Variants in MUC5AC observed in about 807,000 individuals in gnomAD.
MUC5AC encodes the protein mucin 5AC, oligomeric mucus/gel-forming.
In MUC5AC, 158 loss-of-function variants were observed where a neutral mutation model predicts 169.7. That is an observed-to-expected ratio of 0.93 (90% CI 0.82 to 1.06). The LOEUF (loss-of-function observed/expected upper bound fraction) is 1.06, where lower values mean the gene tolerates loss of function less well. Ranked by LOEUF, MUC5AC falls within the 50% of genes least tolerant of loss-of-function variation. MUC5AC has a pLI of 0.00. For synonymous variants in MUC5AC, 1,975 were observed against 1,237.0 expected (o/e 1.60, Z -12.52); for missense variants, 4,359 against 3,089.9 (o/e 1.41, Z -9.74).
chr11:1,185,492 A>G lies in MUC5AC; in HGVS notation c.7347A>G (p.Gly2449=). The G allele has an allele frequency of 2.7e-6, 2 of 727,380 alleles. No homozygotes were observed. The highest frequency in any genetic ancestry group is 5.0e-6 in the Non-Finnish European group (2 of 398,990). The allele number at this position is 727,380 out of a possible 1,614,324, so 45.1% of individuals were successfully genotyped here. A position where few individuals can be genotyped will look rare whatever the true frequency, so the allele number is the denominator to read the frequency against. Residue 2449 remains glycine, a synonymous_variant, in exon 31 of 49, where the codon GGA becomes GGG. Transcript: ENST00000621226. ...APTTSTTSGP[G]TTPSPVPTTS... Reference sequence around the variant, plus strand: ...CAACCAGCACAACTTCTGGTCCTGGAACTACCCCAAGCCCTGTTCCCACGA... The same window carrying G: ...CAACCAGCACAACTTCTGGTCCTGGGACTACCCCAAGCCCTGTTCCCACGA...
intron 19 of MUC5AC, among the ~76,000 whole-genome samples, chr11:1,175,525 A>T (rs1860649200): frequency 3.4e-5 from 5 of 147,228 alleles, no homozygotes; most frequent in Non-Finnish European, 7.5e-5. Context: ...TGACACGCCC[A>T]CTCATGCACA....
chr11:1,166,455 C>A (rs1219413686), intron 11 of MUC5AC, among the ~76,000 whole-genome samples: 1 of 130,686 alleles, frequency 7.7e-6, no homozygotes, highest in Non-Finnish European at 1.6e-5. Flanking sequence ...CACAGTCTCC[C>A]ACGATGAGAC....
Position 1,164,282 on chromosome 11 carries a change from G to C in MUC5AC, c.966G>C (p.Gly322=). The C allele has an allele frequency of 6.2e-7, 1 of 1,612,534 alleles. No homozygotes were observed. The stretch of plus-strand genomic sequence containing the variant: ...ACTCCCGGCAGTGCACCCATGCAGG[G>C]GGGTTGCCCCAGGACTGGCGGGGCC... The part of the protein sequence containing the change: ...AEYSRQCTHA[G]GLPQDWRGPD... The change falls in exon 8 of 49, where the codon GGG becomes GGC. Residue 322 remains glycine, a synonymous_variant. Coordinates refer to ENST00000621226, the MANE Select transcript of MUC5AC (RefSeq NM_001304359.2).
chr11:1,164,014 G>C (rs762981631), intron 7 of MUC5AC, 23 bp downstream of exon 7: 2 of 1,609,014 alleles, frequency 1.2e-6, no homozygotes, highest in Non-Finnish European at 1.7e-6. Context: ...GGGAACAGAG[G>C]GCCCAGCAGG....
chr11:1,176,005 C>G (rs1234441147), intron 19 of MUC5AC, 146 bp from the exon 20 acceptor site: 1 of 397,032 alleles, frequency 2.5e-6, no homozygotes, highest in Non-Finnish European at 4.4e-6. Context: ...CTCACACACC[C>G]ACTCATGCAC....
intron 11 of MUC5AC, among the ~76,000 whole-genome samples, chr11:1,166,596 A>G (rs1590136170): frequency 4.5e-5 from 1 of 22,308 alleles, no homozygotes; most frequent in East Asian, 2.4e-3. Flanking sequence ...CAGTCTCTGC[A>G]CGATGAGACC....
chr11:1,199,956 G>T lies in MUC5AC; in HGVS notation c.16687G>T (p.Asp5563Tyr), dbSNP rs780700051. The T allele has an allele frequency of 2.6e-6, 2 of 763,032 alleles. No homozygotes were observed. The highest frequency in any genetic ancestry group is 1.7e-5 in the Admixed American group (1 of 58,760). 47.3% of individuals were successfully genotyped at this position (763,032 alleles called of 1,614,324 possible). A position where few individuals can be genotyped will look rare whatever the true frequency, so the allele number is the denominator to read the frequency against. Residue 5563 changes from aspartate (D) to tyrosine (Y), a missense_variant, in exon 48 of 49, where the codon GAC (aspartate) becomes TAC (tyrosine). Asp to Tyr is a radical substitution (Grantham distance 160). Coordinates refer to ENST00000621226, the MANE Select transcript of MUC5AC (RefSeq NM_001304359.2). Reference sequence around the variant, plus strand: ...GGCTTACTGCCGGGGGAACTGTGGGGACAGCTCTTCCATGTACGTGCCTGG... The same window carrying T: ...GGCTTACTGCCGGGGGAACTGTGGGTACAGCTCTTCCATGTACGTGCCTGG... ...RLAYCRGNCG[D>Y]SSSMYSLEGN...
rs759450665 is a variant in MUC5AC at position 1,200,503 on chromosome 11, T to C, written c.16766T>C (p.Leu5589Pro). 32 of 752,554 alleles carry C rather than the reference T, an allele frequency of 4.3e-5. No individual in the cohort carries two copies. Among genetic ancestry groups the C allele is most frequent in the Non-Finnish European group, 7.3e-5 (30 of 412,344 alleles). The allele number at this position is 752,554 out of a possible 1,614,324, so 46.6% of individuals were successfully genotyped here. ...CQCCQELRTS[L>P]RNVTLHCTDG... ...TGCTGCCAGGAGCTGCGGACCTCGC[T>C]GAGGAATGTGACCCTGCACTGCACC... The change falls in exon 49 of 49, where the codon CTG (leucine) becomes CCG (proline). Residue 5589 changes from leucine to proline, a missense_variant. By Grantham distance (98) the Leu-to-Pro change is moderately conservative. Transcript: ENST00000621226.
intron 11 of MUC5AC, 59 bp from the exon 12 acceptor site, chr11:1,167,818 G>A (rs931216956): frequency 2.2e-4 from 313 of 1,426,558 alleles, no homozygotes; most frequent in Non-Finnish European, 2.3e-4. Context: ...GACTGGCAGG[G>A]CCAGGTGGGC....
Position 1,182,503 on chromosome 11 carries a change from G to A in MUC5AC, c.4358G>A (p.Gly1453Glu), listed in dbSNP as rs1220750503. ...CGTGTGCAGTGCAGCCCGGATGTGG[G>A]GCTGACCTGTCGTAACAGGGAGCAG... ...GQRVQCSPDV[G>E]LTCRNREQAS... Residue 1453 changes from glycine to glutamate, a missense_variant, in exon 31 of 49, where the codon GGG becomes GAG. Physicochemically the swap from Gly to Glu is moderately conservative, Grantham distance 98. Coordinates refer to ENST00000621226, the MANE Select transcript of MUC5AC (RefSeq NM_001304359.2). 2 of 398,544 alleles carry A rather than the reference G, an allele frequency of 5.0e-6. No homozygotes were observed. The highest frequency in any genetic ancestry group is 4.1e-5 in the African/African-American group (2 of 48,608). The allele number at this position is 398,544 out of a possible 1,614,324, so 24.7% of individuals were successfully genotyped here.
chr11:1,182,148 C>T lies in MUC5AC; in HGVS notation c.4010-7C>T, dbSNP rs900403205. 15 of 398,520 alleles carry T rather than the reference C, an allele frequency of 3.8e-5. 1 individual carries two copies. The East Asian group carries it at 5.0e-4, about 13-fold the overall frequency. The allele number at this position is 398,520 out of a possible 1,614,324, so 24.7% of individuals were successfully genotyped here. On this transcript the variant is annotated splice_polypyrimidine_tract_variant and splice_region_variant and intron_variant, in intron 30 of 48. Transcript: ENST00000621226. ...TCATGCTCAGCTGCCTTCTCTTCTG[C>T]CCACAGTCGTGAGCTCCACGCACAC... is the stretch of plus-strand genomic sequence containing the variant.
chr11:1,166,284 C>T (rs1241923125), intron 11 of MUC5AC, among the ~76,000 whole-genome samples: 1 of 138,044 alleles, frequency 7.2e-6, no homozygotes, highest in Non-Finnish European at 1.6e-5. Context: ...AGTCTCTGCA[C>T]GATGAGACCC....
chr11:1,165,544 C>G (rs370335175), intron 10 of MUC5AC, 78 bp from the exon 11 acceptor site: 2 of 1,593,330 alleles, frequency 1.3e-6, no homozygotes, highest in Non-Finnish European at 1.7e-6. Context: ...GGGTGAGACC[C>G]GGTCAGCCTC....
intron 1 of MUC5AC, among the ~76,000 whole-genome samples, chr11:1,158,791 G>A (rs757579819): frequency 5.9e-5 from 9 of 152,182 alleles, no homozygotes; most frequent in Non-Finnish European, 1.0e-4. Context: ...GCAGGGCAGG[G>A]ACCTCAGCAC....
At position 1,194,552 on chromosome 11, in the gene MUC5AC, C is replaced by T. The variant is rs757650335; in HGVS notation, c.15072C>T (p.Ile5024=). ...AAAACGGCATCGTGGTCTCGCGCAT[C>T]GGCGTCAAGATGTACGCGACCATCC... ...FRKNGIVVSR[I]GVKMYATIPE... The change falls in exon 35 of 49, where the codon ATC becomes ATT. Residue 5024 remains isoleucine (I), a synonymous_variant. Transcript: ENST00000621226. The T allele has an allele frequency of 2.9e-5, 22 of 763,920 alleles. No individual in the cohort carries two copies. Among genetic ancestry groups the T allele is most frequent in the South Asian group, 1.9e-4 (14 of 74,450 alleles). The allele number at this position is 763,920 out of a possible 1,614,324, so 47.3% of individuals were successfully genotyped here.
At chr11:1,159,427 G>A (rs1467508662) in intron 1 of MUC5AC, among the ~76,000 whole-genome samples, 3 of 149,466 alleles carry the variant, frequency 2.0e-5, no homozygotes, top group East Asian at 4.0e-4. Context: ...GGGGCTGTGC[G>A]GGGTTGTGTG....
chr11:1,171,342 TTCACTCAC>T (rs1423695943), intron 15 of MUC5AC, among the ~76,000 whole-genome samples: 1 of 73,642 alleles, frequency 1.4e-5, no homozygotes, highest in Non-Finnish European at 2.5e-5. Context: ...CACTCACGCA[TTCACTCAC>T]TCACTCACCC....
Position 1,168,130 on chromosome 11 carries a change from T to C in MUC5AC, c.1497+143T>C, listed in dbSNP as rs1032757592. On this transcript the variant is annotated intron_variant, in intron 12 of 48. Coordinates refer to ENST00000621226, the MANE Select transcript of MUC5AC (RefSeq NM_001304359.2). ...TGGCAACACTGGCTGTGTCCATTAC[T>C]TATGGGTCCACGTGACTGTCCCTAA... 3 of 757,452 alleles carry C rather than the reference T, an allele frequency of 4.0e-6. No individual in the cohort carries two copies. The African/African-American group carries it at 5.1e-5, about 13-fold the overall frequency. 46.9% of individuals were successfully genotyped at this position (757,452 alleles called of 1,614,324 possible). A position where few individuals can be genotyped will look rare whatever the true frequency, so the allele number is the denominator to read the frequency against.
rs1330606045 is a variant in MUC5AC, at chr11:1,192,822, G to C, written c.14420G>C (p.Cys4807Ser). The change falls in exon 32 of 49, where the codon TGC becomes TCC. Residue 4807 changes from cysteine to serine, a missense_variant. Physicochemically the swap from Cys to Ser is moderately radical, Grantham distance 112 (BLOSUM62 -1). Transcript: ENST00000621226. ...IYRHRDLAGH[C>S]YYALCSQDCQ... ...CGCCACAGAGACCTCGCTGGCCATT[G>C]CTATTATGCCCTGTGTAGCCAGGAC... 2.6e-6 allele frequency: 2 copies of C among 763,876 alleles called. No individual in the cohort carries two copies. The highest frequency in any genetic ancestry group is 4.8e-6 in the Non-Finnish European group (2 of 417,076). The allele number at this position is 763,876 out of a possible 1,614,324, so 47.3% of individuals were successfully genotyped here. A position where few individuals can be genotyped will look rare whatever the true frequency, so the allele number is the denominator to read the frequency against.
Sources: allele counts gnomAD v4.1 joint callset (sites outside exome capture counted in the v4.1 genomes callset), GRCh38; gene constraint gnomAD v4.1.1; transcripts MANE v1.5; gene names NCBI Gene and HGNC (gene_info 2026-07-23, HGNC 2026-07-21).